The following KIAA0319 variants were observed in gnomAD, a reference collection of about 807,000 sequenced individuals.
The protein encoded by KIAA0319 is dyslexia-associated protein KIAA0319.
A neutral mutation model predicts 108.4 loss-of-function variants in KIAA0319; 83 were observed. The ratio of observed to expected loss-of-function variants is 0.77; its 90% CI spans 0.64 to 0.92. The LOEUF is 0.92. Ranked by LOEUF, KIAA0319 falls within the 40% of genes least tolerant of loss-of-function variation. The pLI, the probability that KIAA0319 is intolerant of heterozygous loss-of-function variation, is 0.00. For synonymous variants in KIAA0319, 484 were observed against 510.4 expected (o/e 0.95, Z 0.70); for missense variants, 1,195 against 1,322.4 (o/e 0.90, Z 1.49).
chr6:24,551,592 C>T (rs1398096853), intron 19 of KIAA0319, 67 bp from the exon 20 acceptor site: 5 of 1,092,790 alleles, frequency 4.6e-6, no homozygotes, highest in African/African-American at 1.6e-5. Flanking sequence ...GGATTTAACG[C>T]ACAGTAAAGA....
At chr6:24,594,011 C>A (rs1378991529) in intron 3 of KIAA0319, among the ~76,000 whole-genome samples, 3 of 148,590 alleles carry the variant, frequency 2.0e-5, no homozygotes, top group African/African-American at 7.4e-5. Context: ...CCAGTCTGAC[C>A]AATATGGTGA....
chr6:24,605,782 A>G (rs889525005), intron 1 of KIAA0319, among the ~76,000 whole-genome samples: 4 of 151,776 alleles, frequency 2.6e-5, no homozygotes, highest in Non-Finnish European at 5.9e-5. Flanking sequence ...TTCTTTTCTG[A>G]TCTGTATTTT....
At chr6:24,581,412 C>T (rs1426470748) in intron 6 of KIAA0319, among the ~76,000 whole-genome samples, 2 of 152,084 alleles carry the variant, frequency 1.3e-5, no homozygotes, top group African/African-American at 2.4e-5. Flanking sequence ...CTGTGTTGTA[C>T]CATTAGCTGT....
rs762533548 is a variant in KIAA0319 at position 24,569,925 on chromosome 6, A to C, written c.1969T>G (p.Phe657Val). Residue 657 changes from phenylalanine to valine, a missense_variant, in exon 12 of 21, where the codon TTC (phenylalanine) becomes GTC (valine). Coordinates refer to ENST00000378214, the MANE Select transcript of KIAA0319 (RefSeq NM_014809.4). ...SSSSDDHGIV[F>V]YHWEHVRGPS... ...TACCTGACGTGCTCCCAGTGGTAGA[A>C]GACAATGCCGTGGTCATCGCTGCTG... 1 of 1,614,160 alleles carries C rather than the reference A, an allele frequency of 6.2e-7. No individual in the cohort carries two copies. Among genetic ancestry groups the C allele is most frequent in the Non-Finnish European group, 8.5e-7 (1 of 1,179,990 alleles).
At chr6:24,644,476 T>C (rs796367498) in intron 1 of KIAA0319, among the ~76,000 whole-genome samples, 35 of 152,342 alleles carry the variant, frequency 2.3e-4, no homozygotes, top group African/African-American at 8.2e-4. Context: ...TTATATCAAT[T>C]AGCCTGTGGT....
intron 3 of KIAA0319, among the ~76,000 whole-genome samples, chr6:24,592,779 T>C (rs1021408561): frequency 3.3e-5 from 5 of 152,148 alleles, no homozygotes; most frequent in Admixed American, 6.5e-5. Context: ...GAGACCAACC[T>C]GGGCAACATA....
chr6:24,580,381 G>A (rs142720844), intron 7 of KIAA0319, among the ~76,000 whole-genome samples: 216 of 151,146 alleles, frequency 1.4e-3, no homozygotes, highest in African/African-American at 5.0e-3. Flanking sequence ...GCTGAAGTGG[G>A]TACAAGGGAG....
intron 3 of KIAA0319, 38 bp from the exon 4 acceptor site, chr6:24,588,823 A>G: frequency 1.3e-6 from 2 of 1,537,008 alleles, no homozygotes; most frequent in South Asian, 1.2e-5. Context: ...GTTATTAAAA[A>G]AAAAACAGTC....
intron 18 of KIAA0319, among the ~76,000 whole-genome samples, chr6:24,555,385 T>G (rs1028063351): frequency 6.6e-6 from 1 of 150,450 alleles, no homozygotes; most frequent in Non-Finnish European, 1.5e-5. Context: ...TAATACCAGC[T>G]ACTTGGGAGG....
chr6:24,620,137 AT>A (rs1773720839), intron 1 of KIAA0319, among the ~76,000 whole-genome samples: 1 of 152,224 alleles, frequency 6.6e-6, no homozygotes, highest in Non-Finnish European at 1.5e-5. Context: ...ATATTCAGAC[AT>A]GAAAAAAGTA....
chr6:24,588,490 A>C, intron 4 of KIAA0319, 103 bp downstream of exon 4: 1 of 935,862 alleles, frequency 1.1e-6, no homozygotes, highest in African/African-American at 1.6e-5. Context: ...TAGATGCTGA[A>C]AAATGTGCCT....
At chr6:24,577,076 C>T (rs547579418) in intron 9 of KIAA0319, among the ~76,000 whole-genome samples, 2 of 152,240 alleles carry the variant, frequency 1.3e-5, no homozygotes, top group East Asian at 1.9e-4. Flanking sequence ...TAAACACAGA[C>T]TTGATATTTT....
At position 24,572,682 on chromosome 6, in the gene KIAA0319, T is replaced by C; in HGVS notation, c.1751A>G (p.Tyr584Cys). 1 of 1,612,748 alleles carries C rather than the reference T, an allele frequency of 6.2e-7. No individual in the cohort carries two copies. The highest frequency in any genetic ancestry group is 8.5e-7 in the Non-Finnish European group (1 of 1,179,546). The change falls in exon 11 of 21, where the codon TAC becomes TGC. Residue 584 changes from tyrosine (Y) to cysteine (C), a missense_variant. Tyr to Cys is a radical substitution (Grantham distance 194). Transcript: ENST00000378214. ...TTCCTGCATTGCAGATAAATGAAGGTATGGCGTCTGTACTCCCTAAGTAAT... is the reference window on the plus strand; with the variant it reads ...TTCCTGCATTGCAGATAAATGAAGGCATGGCGTCTGTACTCCCTAAGTAAT... ...HVVMQGVQTP[Y>C]LHLSAMQEGD...
intron 1 of KIAA0319, among the ~76,000 whole-genome samples, chr6:24,608,977 G>C (rs866242373): frequency 4.3e-5 from 6 of 139,172 alleles, no homozygotes; most frequent in African/African-American, 1.6e-4. Flanking sequence ...AATCAGTGGA[G>C]AAGGCCAGGT....
intron 1 of KIAA0319, among the ~76,000 whole-genome samples, chr6:24,624,686 G>A (rs1774461445): frequency 6.6e-6 from 1 of 152,168 alleles, no homozygotes; most frequent in African/African-American, 2.4e-5. Flanking sequence ...TAGGGAAGGG[G>A]ATGGAAAGGT....
chr6:24,570,170 C>T (rs982216148), intron 11 of KIAA0319, 135 bp from the exon 12 acceptor site: 3 of 820,094 alleles, frequency 3.7e-6, no homozygotes, highest in Middle Eastern at 7.3e-4. Flanking sequence ...CTTTGGAATC[C>T]TGGAGTGAAG....
intron 20 of KIAA0319, among the ~76,000 whole-genome samples, chr6:24,549,486 A>G (rs1359698582): frequency 6.6e-6 from 1 of 152,132 alleles, no homozygotes; most frequent in East Asian, 1.9e-4. Context: ...TCTGTTGTTC[A>G]TAAGCCTCCT....
chr6:24,551,319 C>T, intron 20 of KIAA0319, 115 bp downstream of exon 20: 1 of 730,262 alleles, frequency 1.4e-6, no homozygotes, highest in East Asian at 2.6e-5. Context: ...CTCTTCCTTC[C>T]CAATTAAAGT....
intron 1 of KIAA0319, among the ~76,000 whole-genome samples, chr6:24,612,145 G>C (rs1772423971): frequency 6.6e-6 from 1 of 151,892 alleles, no homozygotes; most frequent in South Asian, 2.1e-4. Flanking sequence ...TTACCTAAGA[G>C]ATTGTCACAT....
Sources: allele counts gnomAD v4.1 joint callset (sites outside exome capture counted in the v4.1 genomes callset), GRCh38; gene constraint gnomAD v4.1.1; transcripts MANE v1.5; gene names NCBI Gene and HGNC (gene_info 2026-07-23, HGNC 2026-07-21).